FAP: variants seen among roughly 807,000 people sequenced by gnomAD.
FAP encodes fibroblast activation protein alpha, also known as prolyl endopeptidase FAP.
In FAP, 110 loss-of-function variants were observed where a neutral mutation model predicts 126.5. That is an observed-to-expected ratio of 0.87 (90% confidence interval 0.74 to 1.02). The LOEUF (loss-of-function observed/expected upper bound fraction) is 1.02, where lower values mean the gene tolerates loss of function less well. Ranked by LOEUF, FAP falls within the 50% of genes least tolerant of loss-of-function variation. FAP has a pLI of 0.00. For missense variants in FAP, 919 were observed against 909.2 expected (o/e 1.01, Z -0.14); for synonymous variants, 334 against 297.3 (o/e 1.12, Z -1.27).
chr2:162,194,094 A>G (rs1688149507), intron 17 of FAP: 1 of 152,278 alleles, frequency 6.6e-6, no homozygotes, highest in Non-Finnish European at 1.5e-5. Context: ...CAAATACAGG[A>G]TAGAGGAGGA....
intron 22 of FAP, among the ~76,000 whole-genome samples, chr2:162,174,597 T>A (rs1227574500): frequency 1.3e-5 from 2 of 152,140 alleles, no homozygotes; most frequent in Non-Finnish European, 2.9e-5. Context: ...TAGCTCTGAT[T>A]TTAAAGATTT....
intron 11 of FAP, among the ~76,000 whole-genome samples, chr2:162,212,305 C>A (rs1353272131): frequency 6.6e-6 from 1 of 152,096 alleles, no homozygotes; most frequent in Non-Finnish European, 1.5e-5. Context: ...AAGCAATAGT[C>A]CCTAATAGCT....
intron 3 of FAP, among the ~76,000 whole-genome samples, chr2:162,226,300 C>T (rs936811167): frequency 6.6e-6 from 1 of 152,072 alleles, no homozygotes; most frequent in African/African-American, 2.4e-5. Flanking sequence ...TTCAACTTTT[C>T]CTTCTCTATT....
At chr2:162,235,182 C>T (rs1225856992) in intron 2 of FAP, among the ~76,000 whole-genome samples, 22 of 150,320 alleles carry the variant, frequency 1.5e-4, no homozygotes, top group Non-Finnish European at 2.5e-4. Flanking sequence ...CCCCCTGTCA[C>T]CTCCTGCCCC....
chr2:162,221,450 G>C (rs1175412698), intron 6 of FAP: 1 of 278,370 alleles, frequency 3.6e-6, no homozygotes, highest in African/African-American at 2.3e-5. Context: ...GCTTAAACCC[G>C]GGAGGAGGAG....
At chr2:162,187,630 T>C (rs1382033563) in intron 20 of FAP, among the ~76,000 whole-genome samples, 4 of 152,134 alleles carry the variant, frequency 2.6e-5, no homozygotes, top group Non-Finnish European at 4.4e-5. Flanking sequence ...AATGTTTTCA[T>C]AATATAATTT....
chr2:162,213,419 A>G (rs1000446063), intron 11 of FAP, among the ~76,000 whole-genome samples: 1 of 150,538 alleles, frequency 6.6e-6, no homozygotes, highest in Non-Finnish European at 1.5e-5. Context: ...AAAACAAAAA[A>G]CAAACAAAAA....
rs779603533 is a variant in FAP at position 162,174,856 on chromosome 2, T to C, written c.1969+11A>G. ...ATGCTTTCACAGTAACATTAATGAA[T>C]GTTTCCATACCGTAATATTCCCAGC... On this transcript the variant is annotated intron_variant, in intron 22 of 25. Transcript: ENST00000188790. 5 of 1,574,480 alleles carry C rather than the reference T, an allele frequency of 3.2e-6. No individual in the cohort carries two copies. Among genetic ancestry groups the C allele is most frequent in the South Asian group, 2.2e-5 (2 of 90,160 alleles).
chr2:162,197,023 G>A (rs1041522046), intron 16 of FAP, among the ~76,000 whole-genome samples: 1 of 152,158 alleles, frequency 6.6e-6, no homozygotes, highest in Non-Finnish European at 1.5e-5. Context: ...ATATTAGGAA[G>A]ACAACGTAAT....
At chr2:162,221,599 T>C (rs1262753530) in intron 6 of FAP, 1 of 450,546 alleles carries the variant, frequency 2.2e-6, no homozygotes, top group Non-Finnish European at 4.5e-6. Context: ...TTACCTTTCA[T>C]ACTGTAACAT....
At chr2:162,199,380 G>A (rs1047603359) in intron 15 of FAP, among the ~76,000 whole-genome samples, 1 of 152,138 alleles carries the variant, frequency 6.6e-6, no homozygotes, top group Non-Finnish European at 1.5e-5. Flanking sequence ...TGCCTTCTGC[G>A]CCTTCATTCC....
intron 12 of FAP, among the ~76,000 whole-genome samples, chr2:162,204,365 T>C (rs1376434635): frequency 6.6e-6 from 1 of 152,162 alleles, no homozygotes; most frequent in African/African-American, 2.4e-5. Flanking sequence ...TCCCCAAAAA[T>C]TCATGTCCAC....
At chr2:162,198,163 T>C (rs1382194936) in intron 16 of FAP, 5 of 1,284,706 alleles carry the variant, frequency 3.9e-6, no homozygotes, top group Non-Finnish European at 4.1e-6. Flanking sequence ...TTTGTTATAT[T>C]TGATGCATTA....
rs193172008 is a variant in FAP at position 162,203,295 on chromosome 2, C to T, written c.1048-150G>A. ...TCTTCTGTCATTCACATCTGAAATC[C>T]CATTCTTTCAGATAAACAGCTTATG... On this transcript the variant is annotated intron_variant, in intron 12 of 25. Transcript: ENST00000188790. 308 of 606,680 alleles carry T rather than the reference C, an allele frequency of 5.1e-4. 1 individual carries two copies. The East Asian group carries it at 7.7e-3, about 15-fold the overall frequency. 37.6% of individuals were successfully genotyped at this position (606,680 alleles called of 1,614,324 possible).
At position 162,219,937 on chromosome 2, in the gene FAP, G is replaced by A. The variant is rs774224045; in HGVS notation, c.414-12C>T. 3.8e-6 allele frequency: 6 copies of A among 1,592,462 alleles called. No individual in the cohort carries two copies. Among genetic ancestry groups the A allele is most frequent in the Admixed American group, 3.4e-5 (2 of 59,190 alleles). On this transcript the variant is annotated splice_polypyrimidine_tract_variant and intron_variant, in intron 6 of 25. Transcript: ENST00000188790. The stretch of plus-strand genomic sequence containing the variant: ...CTCTTACAAATTCTCTAGAAGGAAA[G>A]AAAGAAAGAAAAACAACAAACCTTG...
intron 20 of FAP, among the ~76,000 whole-genome samples, chr2:162,183,835 C>T (rs559168292): frequency 6.6e-6 from 1 of 152,084 alleles, no homozygotes; most frequent in Admixed American, 6.6e-5. Context: ...CCCCAGCTAT[C>T]GGAAAGAAGG....
Position 162,183,485 on chromosome 2 carries a change from A to G in FAP, c.1815-17T>C. 2 of 1,482,882 alleles carry G rather than the reference A, an allele frequency of 1.3e-6. No individual in the cohort carries two copies. Among genetic ancestry groups the G allele is most frequent in the Non-Finnish European group, 1.9e-6 (2 of 1,062,522 alleles). The allele number at this position is 1,482,882 out of a possible 1,614,324, so 91.9% of individuals were successfully genotyped here. A position where few individuals can be genotyped will look rare whatever the true frequency, so the allele number is the denominator to read the frequency against. On this transcript the variant is annotated splice_polypyrimidine_tract_variant and intron_variant, in intron 20 of 25. Coordinates refer to ENST00000188790, the MANE Select transcript of FAP (RefSeq NM_004460.5). The stretch of plus-strand genomic sequence containing the variant: ...ATGAATTTTCTAAAGTAAAAGAAAC[A>G]AATTTTTAGAATGTTAAGTGTATAC...
intron 21 of FAP, among the ~76,000 whole-genome samples, chr2:162,178,017 C>T (rs1009630647): frequency 6.6e-6 from 1 of 152,194 alleles, no homozygotes; most frequent in African/African-American, 2.4e-5. Flanking sequence ...CTCAGCAACC[C>T]ATGCCCCTTC....
At chr2:162,172,724 T>C (rs1687355149) in intron 25 of FAP, 87 bp downstream of exon 25, 2 of 856,136 alleles carry the variant, frequency 2.3e-6, no homozygotes, top group African/African-American at 3.4e-5. Flanking sequence ...GATTTTACTT[T>C]AAAAGTTAAA....
Sources: allele counts gnomAD v4.1 joint callset (sites outside exome capture counted in the v4.1 genomes callset), GRCh38; gene constraint gnomAD v4.1.1; transcripts MANE v1.5; gene names NCBI Gene and HGNC (gene_info 2026-07-23, HGNC 2026-07-21).